MAPKAP1: variants seen among roughly 807,000 people sequenced by gnomAD.
MAPKAP1 encodes MAPK associated protein 1, also known as target of rapamycin complex 2 subunit MAPKAP1.
MAPKAP1 carries 20 observed loss-of-function variants against 65.7 expected under a neutral mutation model. The observed-to-expected ratio is 0.30, with a 90% CI of 0.21 to 0.44. The LOEUF (loss-of-function observed/expected upper bound fraction) is 0.44. MAPKAP1 is among the 20% of genes least tolerant of loss of function. MAPKAP1 has a pLI of 1.00. For synonymous variants in MAPKAP1, 222 were observed against 244.3 expected (o/e 0.91, Z 0.85); for missense variants, 423 against 648.0 (o/e 0.65, Z 3.77).
intron 4 of MAPKAP1, chr9:125,652,310 G>A: frequency 8.9e-7 from 1 of 1,118,476 alleles, no homozygotes; most frequent in Non-Finnish European, 1.1e-6. Flanking sequence ...ATCCCAAAAT[G>A]CTGCTAAAAG....
At chr9:125,599,446 T>C (rs1832239111) in intron 4 of MAPKAP1, among the ~76,000 whole-genome samples, 3 of 152,140 alleles carry the variant, frequency 2.0e-5, no homozygotes. Context: ...TCTACCTCCA[T>C]AGACACCCTT....
chr9:125,522,261 C>T (rs939447574), intron 7 of MAPKAP1, among the ~76,000 whole-genome samples: 8 of 152,236 alleles, frequency 5.3e-5, no homozygotes, highest in Non-Finnish European at 8.8e-5. Context: ...TCTAATTTTA[C>T]AGGACAATCA....
intron 6 of MAPKAP1, among the ~76,000 whole-genome samples, chr9:125,555,137 T>C (rs772852235): frequency 2.6e-5 from 4 of 152,246 alleles, no homozygotes; most frequent in African/African-American, 7.2e-5. Context: ...GTAAAAACAC[T>C]GAATTTATAG....
intron 9 of MAPKAP1, among the ~76,000 whole-genome samples, chr9:125,474,628 G>A (rs188904682): frequency 6.6e-5 from 10 of 152,324 alleles, no homozygotes; most frequent in African/African-American, 2.2e-4. Flanking sequence ...TCCCAGAGGA[G>A]ACTGCTTGAC....
chr9:125,497,587 A>G (rs1478432080), intron 8 of MAPKAP1, among the ~76,000 whole-genome samples: 1 of 152,240 alleles, frequency 6.6e-6, no homozygotes, highest in East Asian at 1.9e-4. Flanking sequence ...TTCAATTCTC[A>G]CCAAATCCTT....
At chr9:125,697,175 G>A (rs1280356408) in intron 1 of MAPKAP1, among the ~76,000 whole-genome samples, 1 of 152,134 alleles carries the variant, frequency 6.6e-6, no homozygotes. Context: ...TTTATGTCAG[G>A]ACATATGAAA....
intron 1 of MAPKAP1, among the ~76,000 whole-genome samples, chr9:125,677,455 G>C (rs774248414): frequency 2.6e-5 from 4 of 152,068 alleles, no homozygotes; most frequent in Non-Finnish European, 5.9e-5. Flanking sequence ...CAGCACTTTG[G>C]GGGGCCAAGG....
rs192322751 is a variant in MAPKAP1, at chr9:125,686,811, G to A, written c.-69-14168C>T. 3.2e-4 allele frequency among the ~76,000 whole-genome samples: 48 copies of A among 151,812 alleles called. No individual in the cohort carries two copies. The East Asian group carries it at 6.2e-3, about 20-fold the overall frequency. ...ACTGATTTGAACAGGCATTACTGCC[G>A]TTTTTGTGTTTTGTTTTGGTTTTTT... is the stretch of plus-strand genomic sequence containing the variant. On this transcript the variant is annotated intron_variant, in intron 1 of 11. Transcript: ENST00000265960.
intron 6 of MAPKAP1, among the ~76,000 whole-genome samples, chr9:125,554,464 C>G (rs1830676073): frequency 6.6e-6 from 1 of 152,192 alleles, no homozygotes; most frequent in African/African-American, 2.4e-5. Context: ...CCATCACAAA[C>G]TGATCATACT....
intron 8 of MAPKAP1, among the ~76,000 whole-genome samples, chr9:125,505,714 T>C (rs1243807605): frequency 1.3e-5 from 2 of 152,168 alleles, no homozygotes; most frequent in African/African-American, 4.8e-5. Context: ...AAATAGCCTG[T>C]GTAAAAGCCT....
intron 1 of MAPKAP1, among the ~76,000 whole-genome samples, chr9:125,687,706 G>T (rs927394498): frequency 3.9e-5 from 6 of 151,916 alleles, no homozygotes; most frequent in Non-Finnish European, 8.8e-5. Context: ...AATCACTTGA[G>T]CCCAGGAGTT....
intron 10 of MAPKAP1, among the ~76,000 whole-genome samples, chr9:125,462,206 T>G (rs750365757): frequency 5.3e-5 from 8 of 152,218 alleles, no homozygotes; most frequent in Non-Finnish European, 1.2e-4. Context: ...ACGGATAAGC[T>G]GGGGTGTGCC....
At chr9:125,459,762 G>A (rs954356313) in intron 10 of MAPKAP1, among the ~76,000 whole-genome samples, 4 of 151,522 alleles carry the variant, frequency 2.6e-5, no homozygotes, top group African/African-American at 9.7e-5. Flanking sequence ...CGAGATGGCA[G>A]CAGTACAGTC....
intron 10 of MAPKAP1, among the ~76,000 whole-genome samples, chr9:125,459,776 C>T (rs1384030102): frequency 6.6e-6 from 1 of 151,638 alleles, no homozygotes; most frequent in Non-Finnish European, 1.5e-5. Flanking sequence ...TACAGTCCAG[C>T]TTCGGCTCGG....
intron 4 of MAPKAP1, among the ~76,000 whole-genome samples, chr9:125,656,345 G>A (rs1165338324): frequency 6.6e-6 from 1 of 152,080 alleles, no homozygotes; most frequent in Non-Finnish European, 1.5e-5. Context: ...AAGCAGCAAG[G>A]GCAGACGAAA....
At chr9:125,666,329 T>C (rs1280650876) in intron 3 of MAPKAP1, among the ~76,000 whole-genome samples, 2 of 152,224 alleles carry the variant, frequency 1.3e-5, no homozygotes, top group South Asian at 2.1e-4. Flanking sequence ...ATGAAAAGGC[T>C]GCCCTTATGC....
chr9:125,617,793 GA>G, intron 4 of MAPKAP1, among the ~76,000 whole-genome samples: 1 of 152,248 alleles, frequency 6.6e-6, no homozygotes, highest in East Asian at 1.9e-4. Context: ...AAAAGCAAGG[GA>G]ATTAAAGACA....
At chr9:125,503,294 C>A (rs541845392) in intron 8 of MAPKAP1, among the ~76,000 whole-genome samples, 12 of 152,320 alleles carry the variant, frequency 7.9e-5, no homozygotes, top group Non-Finnish European at 1.5e-4. Context: ...CCCTGGCAAA[C>A]CCTGGACTTC....
chr9:125,563,705 T>C (rs1830961950), intron 5 of MAPKAP1, among the ~76,000 whole-genome samples: 1 of 142,620 alleles, frequency 7.0e-6, no homozygotes, highest in Admixed American at 6.7e-5. Flanking sequence ...GCAAAGGGTA[T>C]TATTATTATT....
Sources: allele counts gnomAD v4.1 joint callset (sites outside exome capture counted in the v4.1 genomes callset), GRCh38; gene constraint gnomAD v4.1.1; transcripts MANE v1.5; gene names NCBI Gene and HGNC (gene_info 2026-07-23, HGNC 2026-07-21).